PALM2AKAP2: variants seen among roughly 807,000 people sequenced by gnomAD.
PALM2AKAP2 encodes PALM2-AKAP2 fusion protein.
Under a neutral mutation model 71.5 loss-of-function variants are expected in PALM2AKAP2, and 37 were observed. The observed-to-expected ratio is 0.52, with a 90% CI of 0.40 to 0.68. The LOEUF (loss-of-function observed/expected upper bound fraction) is 0.68. Ranked by LOEUF, PALM2AKAP2 falls within the 30% of genes least tolerant of loss-of-function variation. The probability of loss-of-function intolerance (pLI) is 0.00; values close to 1 mark genes in which losing one functional copy is unlikely to be tolerated. For synonymous variants in PALM2AKAP2, 468 were observed against 478.8 expected, an observed-to-expected ratio of 0.98 and a Z score of 0.29; for missense variants, 1,224 against 1,191.8, an observed-to-expected ratio of 1.03 and a Z score of -0.40.
intron 1 of PALM2AKAP2, among the ~76,000 whole-genome samples, chr9:110,089,897 T>A (rs1452733648): frequency 2.6e-5 from 4 of 152,192 alleles, no homozygotes; most frequent in Non-Finnish European, 5.9e-5. Context: ...TTATAAGTCA[T>A]CATGACTTTA....
At chr9:110,137,367 G>C in exon 2 of PALM2AKAP2, 1 of 1,614,168 alleles carries the variant, frequency 6.2e-7, no homozygotes, top group South Asian at 1.1e-5. Context: ...CCTTCTGTCG[G>C]GGGACCTCCA....
intron 1 of PALM2AKAP2, among the ~76,000 whole-genome samples, chr9:109,855,133 C>T (rs1829129079): frequency 6.6e-6 from 1 of 151,826 alleles, no homozygotes. Flanking sequence ...AGTGCAGTGG[C>T]ACAATCTCAG....
chr9:109,793,363 A>T (rs1827168413), intron 1 of PALM2AKAP2, among the ~76,000 whole-genome samples: 1 of 152,226 alleles, frequency 6.6e-6, no homozygotes, highest in Admixed American at 6.5e-5. Context: ...AAACTGGATG[A>T]GTTTAAAAAT....
At chr9:109,943,228 G>T (rs754726393) in intron 6 of PALM2AKAP2, 32 of 1,614,194 alleles carry the variant, frequency 2.0e-5, no homozygotes, top group Non-Finnish European at 1.4e-5. Context: ...TGATGAAGAT[G>T]ATGAGAAGTC....
intron 1 of PALM2AKAP2, among the ~76,000 whole-genome samples, chr9:109,734,843 C>T (rs533203564): frequency 3.2e-4 from 48 of 152,174 alleles, no homozygotes; most frequent in African/African-American, 1.1e-3. Context: ...GAAAGAGGGT[C>T]CCTCTGCCAA....
intron 5 of PALM2AKAP2, among the ~76,000 whole-genome samples, chr9:109,929,644 C>T (rs893775809): frequency 1.3e-5 from 2 of 151,630 alleles, no homozygotes; most frequent in African/African-American, 4.8e-5. Flanking sequence ...GCGGGCGGAT[C>T]ATGAGGTCAG....
At chr9:109,915,024 A>C (rs7851625) in intron 3 of PALM2AKAP2, among the ~76,000 whole-genome samples, 1 of 151,736 alleles carries the variant, frequency 6.6e-6, no homozygotes, top group Non-Finnish European at 1.5e-5. Context: ...CTACTGCTGG[A>C]CCTCTTTGTA....
intron 1 of PALM2AKAP2, among the ~76,000 whole-genome samples, chr9:109,823,494 A>C (rs1828065061): frequency 6.6e-6 from 1 of 152,136 alleles, no homozygotes; most frequent in African/African-American, 2.4e-5. Context: ...GGCAGCTTTC[A>C]ATTATTTAAA....
At position 109,780,605 on chromosome 9, in the gene PALM2AKAP2, C is replaced by A. The variant is rs996391010; in HGVS notation, c.45+72C>A. The A allele has an allele frequency of 3.8e-6, 6 of 1,596,778 alleles. No individual in the cohort carries two copies. The Admixed American group carries it at 1.0e-4, about 27-fold the overall frequency. The stretch of plus-strand genomic sequence containing the variant: ...AAGGGGGCCCCCGAGGGTTTCGGGG[C>A]AAGCGGCATGCCAGCACAGTAGCCG... On this transcript the variant is annotated intron_variant, in intron 1 of 9. Transcript: ENST00000302798.
At chr9:109,967,654 C>T (rs145122001) in intron 6 of PALM2AKAP2, among the ~76,000 whole-genome samples, 7 of 152,308 alleles carry the variant, frequency 4.6e-5, no homozygotes, top group Admixed American at 6.5e-5. Flanking sequence ...AGGTGATCTG[C>T]CCGCCTTGGC....
intron 6 of PALM2AKAP2, among the ~76,000 whole-genome samples, chr9:109,939,030 A>G (rs1450200942): frequency 6.6e-6 from 1 of 151,984 alleles, no homozygotes; most frequent in Non-Finnish European, 1.5e-5. Context: ...CTCTGTCTCA[A>G]AATAATAATA....
chr9:110,095,783 T>A (rs1285230396), intron 1 of PALM2AKAP2, among the ~76,000 whole-genome samples: 1 of 152,210 alleles, frequency 6.6e-6, no homozygotes, highest in Non-Finnish European at 1.5e-5. Flanking sequence ...CATTTGGCCA[T>A]AGCAGAGGAA....
chr9:110,039,152 G>A (rs1438561307), intron 7 of PALM2AKAP2, among the ~76,000 whole-genome samples: 1 of 152,084 alleles, frequency 6.6e-6, no homozygotes, highest in Non-Finnish European at 1.5e-5. Context: ...AGGAGGCTGA[G>A]GTGGGAGGAT....
intron 1 of PALM2AKAP2, among the ~76,000 whole-genome samples, chr9:109,750,848 T>C (rs1828878657): frequency 6.6e-6 from 1 of 152,212 alleles, no homozygotes; most frequent in Non-Finnish European, 1.5e-5. Context: ...TGGTCACTAA[T>C]TTGCAATTTC....
At chr9:109,907,619 G>A (rs1483729211) in intron 3 of PALM2AKAP2, among the ~76,000 whole-genome samples, 1 of 152,194 alleles carries the variant, frequency 6.6e-6, no homozygotes, top group Non-Finnish European at 1.5e-5. Flanking sequence ...GCAGGAAGCA[G>A]CCAAGCGGGA....
chr9:109,902,499 A>G (rs1304544067), intron 3 of PALM2AKAP2, among the ~76,000 whole-genome samples: 10 of 152,250 alleles, frequency 6.6e-5, no homozygotes, highest in Non-Finnish European at 1.2e-4. Context: ...ACAGTGAGCC[A>G]TCATTGTAAT....
At chr9:109,664,736 G>A (rs1262948083) in intron 1 of PALM2AKAP2, among the ~76,000 whole-genome samples, 1 of 152,206 alleles carries the variant, frequency 6.6e-6, no homozygotes, top group Non-Finnish European at 1.5e-5. Context: ...GTGTTGGCCT[G>A]CCTTGCTATG....
intron 1 of PALM2AKAP2, among the ~76,000 whole-genome samples, chr9:110,089,289 G>A (rs909282245): frequency 2.0e-5 from 3 of 152,180 alleles, no homozygotes; most frequent in Non-Finnish European, 4.4e-5. Flanking sequence ...GCCAAGACTA[G>A]TTATGTCTGA....
chr9:110,004,908 G>T (rs1287295204), intron 6 of PALM2AKAP2, among the ~76,000 whole-genome samples: 1 of 152,130 alleles, frequency 6.6e-6, no homozygotes, highest in Non-Finnish European at 1.5e-5. Flanking sequence ...CTTTGCATTG[G>T]TTATTCTAGT....
Sources: gnomAD v4.1 joint callset for allele counts (sites outside exome capture counted in the v4.1 genomes callset) on GRCh38, gnomAD v4.1.1 for gene constraint, MANE v1.5 for transcripts, NCBI Gene and HGNC (gene_info 2026-07-23, HGNC 2026-07-21) for gene names.